The following NPAS3 variants were observed in gnomAD, a reference collection of about 807,000 sequenced individuals.
NPAS3 encodes the protein neuronal PAS domain protein 3, also known as neuronal PAS domain-containing protein 3.
A neutral mutation model predicts 73.1 loss-of-function variants in NPAS3; 14 were observed. That is an observed-to-expected ratio of 0.19 (90% CI 0.13 to 0.30). The LOEUF (loss-of-function observed/expected upper bound fraction) is 0.30, where lower values mean the gene tolerates loss of function less well. Ranked by LOEUF, NPAS3 falls within the 10% of genes least tolerant of loss-of-function variation. The pLI is 1.00. For synonymous variants in NPAS3, 620 were observed against 541.5 expected (o/e 1.14, Z -2.01); for missense variants, 1,096 against 1,250.0 (o/e 0.88, Z 1.86).
intron 5 of NPAS3, among the ~76,000 whole-genome samples, chr14:33,567,693 C>T (rs114129417): frequency 0.014 from 2,204 of 152,246 alleles, 46 homozygotes; most frequent in African/African-American, 0.05. Context: ...GAATGCACTG[C>T]GTGGGGATGT....
At chr14:33,671,637 A>G (rs927304845) in intron 5 of NPAS3, among the ~76,000 whole-genome samples, 3 of 152,214 alleles carry the variant, frequency 2.0e-5, no homozygotes, top group African/African-American at 7.2e-5. Flanking sequence ...TTGCCTATCT[A>G]TCTGCTGCCC....
chr14:33,365,395 C>T (rs2045796381), intron 3 of NPAS3, among the ~76,000 whole-genome samples: 1 of 152,004 alleles, frequency 6.6e-6, no homozygotes, highest in South Asian at 2.1e-4. Flanking sequence ...CAGAAATGTG[C>T]ACACCCACAT....
intron 4 of NPAS3, among the ~76,000 whole-genome samples, chr14:33,404,733 C>T (rs1295560827): frequency 1.3e-5 from 2 of 152,022 alleles, no homozygotes; most frequent in Non-Finnish European, 2.9e-5. Flanking sequence ...ATATAATGGA[C>T]ACTTTATGAA....
chr14:33,744,307 G>A (rs1034632729), intron 7 of NPAS3, among the ~76,000 whole-genome samples: 6 of 152,174 alleles, frequency 3.9e-5, no homozygotes, highest in African/African-American at 1.4e-4. Flanking sequence ...ATGTCACAGG[G>A]AATAAGGAGG....
chr14:33,346,214 G>A (rs1262740449), intron 3 of NPAS3, among the ~76,000 whole-genome samples: 2 of 133,378 alleles, frequency 1.5e-5, no homozygotes, highest in African/African-American at 6.1e-5. Context: ...GACAGAGGGA[G>A]ACTCCGTCTC....
At chr14:33,037,501 A>AG (rs2040209784) in intron 1 of NPAS3, among the ~76,000 whole-genome samples, 1 of 147,914 alleles carries the variant, frequency 6.8e-6, no homozygotes, top group African/African-American at 2.6e-5. Context: ...AAAAGAAAAA[A>AG]GAAAAAAAGA....
chr14:33,544,309 T>A (rs1204632003), intron 4 of NPAS3, among the ~76,000 whole-genome samples: 1 of 152,030 alleles, frequency 6.6e-6, no homozygotes, highest in Non-Finnish European at 1.5e-5. Flanking sequence ...CACCCAGCTC[T>A]GGTGAATATT....
chr14:33,667,255 G>A (rs1166356498), intron 5 of NPAS3, among the ~76,000 whole-genome samples: 3 of 152,120 alleles, frequency 2.0e-5, no homozygotes, highest in Non-Finnish European at 4.4e-5. Context: ...CTTCCATATG[G>A]GGCAGCATAG....
intron 2 of NPAS3, among the ~76,000 whole-genome samples, chr14:33,197,755 A>C (rs1033802001): frequency 1.3e-5 from 2 of 152,100 alleles, no homozygotes; most frequent in African/African-American, 4.8e-5. Context: ...ACCTTAAGTG[A>C]TTTGTAAGTA....
At chr14:33,771,028 G>A (rs193000113) in intron 7 of NPAS3, among the ~76,000 whole-genome samples, 13 of 152,244 alleles carry the variant, frequency 8.5e-5, no homozygotes, top group Non-Finnish European at 1.3e-4. Context: ...ACAGTTGTGC[G>A]GCTATTAAGT....
intron 8 of NPAS3, among the ~76,000 whole-genome samples, chr14:33,774,769 T>C (rs554649156): frequency 2.6e-5 from 4 of 152,290 alleles, no homozygotes; most frequent in African/African-American, 4.8e-5. Flanking sequence ...CCATATGCTA[T>C]AAAGAAGGTC....
chr14:33,577,221 A>G (rs2056471711), intron 5 of NPAS3, among the ~76,000 whole-genome samples: 1 of 152,318 alleles, frequency 6.6e-6, no homozygotes, highest in African/African-American at 2.4e-5. Context: ...AGAAGGGCTC[A>G]GTTTTTCCCT....
At chr14:33,016,607 A>C (rs1431149550) in intron 1 of NPAS3, among the ~76,000 whole-genome samples, 1 of 100,960 alleles carries the variant, frequency 9.9e-6, no homozygotes, top group Non-Finnish European at 2.5e-5. Flanking sequence ...ATGGAAACAG[A>C]AAAAAAGGAA....
intron 1 of NPAS3, among the ~76,000 whole-genome samples, chr14:32,942,438 T>G (rs1465829179): frequency 6.6e-6 from 1 of 152,248 alleles, no homozygotes; most frequent in East Asian, 1.9e-4. Flanking sequence ...TACATTTCTC[T>G]GAATTACATA....
At chr14:33,290,714 G>T (rs541710821) in intron 3 of NPAS3, among the ~76,000 whole-genome samples, 1 of 152,164 alleles carries the variant, frequency 6.6e-6, no homozygotes, top group African/African-American at 2.4e-5. Flanking sequence ...TTTTAAAGGT[G>T]GTTTGCTTTC....
At chr14:33,772,525 T>A (rs2062688466) in intron 7 of NPAS3, among the ~76,000 whole-genome samples, 1 of 152,234 alleles carries the variant, frequency 6.6e-6, no homozygotes, top group Non-Finnish European at 1.5e-5. Context: ...TGGGGATTTA[T>A]TTAGCATATC....
At chr14:33,496,108 T>C (rs2052171119) in intron 4 of NPAS3, among the ~76,000 whole-genome samples, 1 of 152,090 alleles carries the variant, frequency 6.6e-6, no homozygotes, top group South Asian at 2.1e-4. Context: ...AAGAAATGTA[T>C]AGATTCCTGG....
chr14:33,676,732 C>T (rs972760820), intron 6 of NPAS3, among the ~76,000 whole-genome samples: 1 of 152,112 alleles, frequency 6.6e-6, no homozygotes, highest in Non-Finnish European at 1.5e-5. Context: ...TATTATTCAG[C>T]AAAATCTATG....
At chr14:33,407,089 G>T (rs1311311933) in intron 4 of NPAS3, among the ~76,000 whole-genome samples, 2 of 152,114 alleles carry the variant, frequency 1.3e-5, no homozygotes, top group Non-Finnish European at 2.9e-5. Context: ...AATTATCTGT[G>T]GTTGCTAATT....
Sources: gnomAD v4.1 joint callset for allele counts (sites outside exome capture counted in the v4.1 genomes callset) on GRCh38, gnomAD v4.1.1 for gene constraint, MANE v1.5 for transcripts, NCBI Gene and HGNC (gene_info 2026-07-23, HGNC 2026-07-21) for gene names.